FKBP15: variants seen among roughly 807,000 people sequenced by gnomAD.
The protein encoded by FKBP15 is FK506-binding protein 15.
In FKBP15, 106 loss-of-function variants were observed where a neutral mutation model predicts 158.1. The observed-to-expected ratio is 0.67, with a 90% CI of 0.57 to 0.79. The LOEUF (loss-of-function observed/expected upper bound fraction) is 0.79, where lower values mean the gene tolerates loss of function less well. FKBP15 is among the 30% of genes least tolerant of loss of function. The pLI, the probability that FKBP15 is intolerant of heterozygous loss-of-function variation, is 0.00. For missense variants in FKBP15, 1,287 were observed against 1,479.1 expected (o/e 0.87, Z 2.13); for synonymous variants, 547 against 548.6 (o/e 1.00, Z 0.04).
Position 113,176,647 on chromosome 9 carries a change from G to A in FKBP15, c.2113C>T (p.Gln705Ter). 1.2e-6 allele frequency: 2 copies of A among 1,608,390 alleles called. No homozygotes were observed. Among genetic ancestry groups the A allele is most frequent in the Non-Finnish European group, 1.7e-6 (2 of 1,176,830 alleles). ...TGCTTTTCACTTTTGAATTTGGACT[G>A]TGCTTGCTCAGAGGTTTCTTGGAGC... ...SELQETSEQAQSKFKSEKQNR... is the reference protein window; with the variant it reads ...SELQETSEQA Residue 705 changes from glutamine (Q) to a stop codon, truncating the protein, a stop_gained, in exon 21 of 28, where the codon CAG (glutamine) becomes TAG (stop). Transcript: ENST00000238256. LOFTEE classifies it high-confidence loss of function.
chr9:113,202,847 A>AGCCCTGTT, intron 5 of FKBP15, 114 bp downstream of exon 5: 2 of 911,434 alleles, frequency 2.2e-6, no homozygotes, highest in Non-Finnish European at 3.4e-6. Flanking sequence ...AGATACTCAC[A>AGCCCTGTT]AGGACACCCA....
At chr9:113,197,149 A>T (rs369335189) in intron 8 of FKBP15, 71 bp from the exon 9 acceptor site, 1 of 1,563,972 alleles carries the variant, frequency 6.4e-7, no homozygotes. Flanking sequence ...GTACAGGAGC[A>T]ACAGGTTTCA....
In FKBP15 at chr9:113,170,611, G is replaced by T. The variant is rs773591286; in HGVS notation, c.2677C>A (p.Gln893Lys). 1 of 1,613,282 alleles carries T rather than the reference G, an allele frequency of 6.2e-7. No individual in the cohort carries two copies. Among genetic ancestry groups the T allele is most frequent in the East Asian group, 2.2e-5 (1 of 44,874 alleles). Residue 893 changes from glutamine (Q) to lysine (K), a missense_variant, in exon 25 of 28, where the codon CAG becomes AAG. Physicochemically the swap from Gln to Lys is moderately conservative, Grantham distance 53 (BLOSUM62 1). Coordinates refer to ENST00000238256, the MANE Select transcript of FKBP15 (RefSeq NM_015258.2). ...TCTCTCCGTAAGGACTGGAACACCT[G>T]GTTCATGATCTTCTTGACCTGTGTG... is the stretch of plus-strand genomic sequence containing the variant. Reference protein sequence around the residue: ...PSEKVKKIMNQVFQSLRREFE... With the variant: ...PSEKVKKIMNKVFQSLRREFE...
chr9:113,174,557 T>A lies in FKBP15; in HGVS notation c.2250A>T (p.Ser750=), dbSNP rs974932632. 1 of 1,613,706 alleles carries A rather than the reference T, an allele frequency of 6.2e-7. No individual in the cohort carries two copies. The highest frequency in any genetic ancestry group is 1.3e-5 in the African/African-American group (1 of 74,932). The stretch of plus-strand genomic sequence containing the variant: ...CCTCGGCCTGAGAACGCTCTTGAGC[T>A]GACTTCTTTTTCCTTTCTGAGAGGT... ...EKNLSERKKK[S]AQERSQAEEE... Residue 750 remains serine (S), a synonymous_variant, in exon 22 of 28, where the codon TCA becomes TCT. Coordinates refer to ENST00000238256, the MANE Select transcript of FKBP15 (RefSeq NM_015258.2).
chr9:113,191,577 T>C (rs928468164), intron 11 of FKBP15, among the ~76,000 whole-genome samples: 1 of 150,884 alleles, frequency 6.6e-6, no homozygotes, highest in Non-Finnish European at 1.5e-5. Context: ...AATATTGTGA[T>C]ATGCAGATTA....
intron 11 of FKBP15, among the ~76,000 whole-genome samples, chr9:113,193,266 AC>A (rs1830608120): frequency 6.6e-6 from 1 of 152,156 alleles, no homozygotes; most frequent in Non-Finnish European, 1.5e-5. Context: ...TAGCCTCTTA[AC>A]TTTTTTTTCT....
rs1587964496 is a variant in FKBP15 at position 113,193,907 on chromosome 9, T to A, written c.1007+120A>T. On this transcript the variant is annotated intron_variant, in intron 10 of 27. Coordinates refer to ENST00000238256, the MANE Select transcript of FKBP15 (RefSeq NM_015258.2). ...GCAAGTATCTTCCCCATTTCCCTGA[T>A]CCCATTTTTTCCAGTTATTTAAAAT... is the stretch of plus-strand genomic sequence containing the variant. 12 of 1,207,372 alleles carry A rather than the reference T, an allele frequency of 9.9e-6. No individual in the cohort carries two copies. In the East Asian group the frequency reaches 3.2e-4, roughly 32 times the overall value. 74.8% of individuals were successfully genotyped at this position (1,207,372 alleles called of 1,614,324 possible).
intron 3 of FKBP15, chr9:113,206,830 C>A (rs374746616): frequency 2.1e-6 from 1 of 472,758 alleles, no homozygotes; most frequent in Non-Finnish European, 3.8e-6. Flanking sequence ...AATTCTTCTG[C>A]CTCGGCCTCC....
At position 113,171,601 on chromosome 9, in the gene FKBP15, C is replaced by T. The variant is rs956501792; in HGVS notation, c.2638G>A (p.Ala880Thr). Residue 880 changes from alanine to threonine, a missense_variant, in exon 24 of 28, where the codon GCA (alanine) becomes ACA (threonine). Transcript: ENST00000238256. Reference protein sequence around the residue: ...KSQMSGVEAAASDPSEKVKKI... With the variant: ...KSQMSGVEAATSDPSEKVKKI... ...CTCACCTTCTCTGAGGGGTCAGATGCAGCAGCTTCAACCCCAGACATCTGG... is the reference window on the plus strand; with the variant it reads ...CTCACCTTCTCTGAGGGGTCAGATGTAGCAGCTTCAACCCCAGACATCTGG... The T allele has an allele frequency of 6.2e-7, 1 of 1,607,090 alleles. No individual in the cohort carries two copies. The highest frequency in any genetic ancestry group is 1.3e-5 in the African/African-American group (1 of 74,870).
chr9:113,184,546 G>C lies in FKBP15; in HGVS notation c.1609-147C>G. 1 of 905,062 alleles carries C rather than the reference G, an allele frequency of 1.1e-6. No individual in the cohort carries two copies. Among genetic ancestry groups the C allele is most frequent in the Non-Finnish European group, 1.7e-6 (1 of 575,580 alleles). 56.1% of individuals were successfully genotyped at this position (905,062 alleles called of 1,614,324 possible). A position where few individuals can be genotyped will look rare whatever the true frequency, so the allele number is the denominator to read the frequency against. ...AAGTTAGAGTTTTCTCCTACTAACT[G>C]GATCCCAACATAATTATAACTATCC... On this transcript the variant is annotated intron_variant, in intron 16 of 27. Transcript: ENST00000238256. The surrounding 1 kb of genome is among the most constrained non-coding windows in gnomAD (Gnocchi z 4.5).
chr9:113,207,153 T>TAGA (rs5900043), intron 3 of FKBP15, 59 bp downstream of exon 3: 894,993 of 1,340,928 alleles, frequency 0.67, 303,573 homozygotes, highest in African/African-American at 0.74. Context: ...CGAGAAAAAG[T>TAGA]AGCTTAACTG....
At chr9:113,192,250 A>C (rs1407849577) in intron 11 of FKBP15, among the ~76,000 whole-genome samples, 1 of 152,220 alleles carries the variant, frequency 6.6e-6, no homozygotes, top group Non-Finnish European at 1.5e-5. Flanking sequence ...GATCACTTCA[A>C]AACAATTATT....
chr9:113,168,359 G>A (rs1410269720), intron 27 of FKBP15, 101 bp downstream of exon 27: 1 of 1,006,702 alleles, frequency 9.9e-7, no homozygotes, highest in African/African-American at 1.6e-5. Flanking sequence ...CAGAGTCCAG[G>A]GAGTGGGCCA....
chr9:113,162,750 T>A lies in FKBP15; in HGVS notation c.*3328A>T, dbSNP rs940959702. The A allele has an allele frequency of 6.2e-7, 1 of 1,610,386 alleles. No individual in the cohort carries two copies. Among genetic ancestry groups the A allele is most frequent in the South Asian group, 1.1e-5 (1 of 90,710 alleles). ...AACTTGCTTCTCCTTTTTATCTAGG[T>A]GGTATTTGTGTCACTTTGGCCAGTC... is the stretch of plus-strand genomic sequence containing the variant. On this transcript the variant is annotated 3_prime_UTR_variant, in exon 28 of 28. Transcript: ENST00000238256.
chr9:113,195,935 T>G (rs1830669245), intron 9 of FKBP15, among the ~76,000 whole-genome samples: 2 of 152,198 alleles, frequency 1.3e-5, no homozygotes, highest in African/African-American at 4.8e-5. Context: ...AGGAATTTTC[T>G]ATGAATATAT....
chr9:113,201,669 C>T (rs545162219), intron 6 of FKBP15, among the ~76,000 whole-genome samples: 56 of 152,222 alleles, frequency 3.7e-4, no homozygotes, highest in Non-Finnish European at 6.3e-4. Flanking sequence ...CACTAAAACC[C>T]GACCGTGCTG....
intron 4 of FKBP15, among the ~76,000 whole-genome samples, chr9:113,203,901 C>T (rs1018790019): frequency 4.6e-5 from 7 of 152,086 alleles, no homozygotes; most frequent in African/African-American, 1.2e-4. Context: ...TTTCACTCAC[C>T]GTATCTATAA....
intron 20 of FKBP15, among the ~76,000 whole-genome samples, chr9:113,178,377 A>G (rs1830333676): frequency 6.6e-6 from 1 of 152,220 alleles, no homozygotes; most frequent in Non-Finnish European, 1.5e-5. Flanking sequence ...CATAAGTACC[A>G]AAGATTTTGA....
At chr9:113,171,959 A>G (rs1387516379) in intron 23 of FKBP15, among the ~76,000 whole-genome samples, 1 of 151,926 alleles carries the variant, frequency 6.6e-6, no homozygotes, top group Non-Finnish European at 1.5e-5. Flanking sequence ...TCAACTCATC[A>G]TTTACATTAG....
Sources: gnomAD v4.1 joint callset for allele counts (sites outside exome capture counted in the v4.1 genomes callset) on GRCh38, gnomAD v4.1.1 for gene constraint, Gnocchi (gnomAD v3.1) non-coding constraint, MANE v1.5 for transcripts, NCBI Gene and HGNC (gene_info 2026-07-23, HGNC 2026-07-21) for gene names.